Variants in NELL1 observed in about 807,000 individuals in gnomAD.
NELL1 encodes neural EGFL like 1.
A neutral mutation model predicts 107.4 loss-of-function variants in NELL1; 76 were observed. That is an observed-to-expected ratio of 0.71 (90% confidence interval 0.59 to 0.86). The LOEUF (loss-of-function observed/expected upper bound fraction) is 0.86, where lower values mean the gene tolerates loss of function less well. Among genes scored for constraint, NELL1 ranks in the 40% least tolerant of loss-of-function variants. The pLI is 0.00. For missense variants in NELL1, 1,024 were observed against 1,005.5 expected (o/e 1.02, Z -0.25); for synonymous variants, 353 against 341.2 (o/e 1.03, Z -0.38).
intron 15 of NELL1, among the ~76,000 whole-genome samples, chr11:21,476,644 C>T (rs1270959847): frequency 6.6e-6 from 1 of 152,100 alleles, no homozygotes; most frequent in Non-Finnish European, 1.5e-5. Flanking sequence ...TGTGAGTGAT[C>T]ACAGTACCTA....
chr11:20,669,612 C>A lies in NELL1; in HGVS notation c.-112C>A, dbSNP rs1853841705. On this transcript the variant is annotated 5_prime_UTR_variant, in exon 1 of 20. Coordinates refer to ENST00000357134, the MANE Select transcript of NELL1 (RefSeq NM_006157.5). The surrounding 1 kb of genome is among the most constrained non-coding windows in gnomAD (Gnocchi z 4.4). ...CCCGGCGCTGCCGAGCCACCTCCCC[C>A]GCCGCCCGCTAGCAAGTTTGGCGGC... is the stretch of plus-strand genomic sequence containing the variant. 5 of 904,032 alleles carry A rather than the reference C, an allele frequency of 5.5e-6. No individual in the cohort carries two copies. In the South Asian group the frequency reaches 6.0e-5, roughly 11 times the overall value. 56.0% of individuals were successfully genotyped at this position (904,032 alleles called of 1,614,324 possible). A position where few individuals can be genotyped will look rare whatever the true frequency, so the allele number is the denominator to read the frequency against.
At chr11:21,292,199 C>G (rs1012056549) in intron 14 of NELL1, among the ~76,000 whole-genome samples, 1 of 152,172 alleles carries the variant, frequency 6.6e-6, no homozygotes, top group Non-Finnish European at 1.5e-5. Flanking sequence ...CCCAAAATCT[C>G]CTTAACCTAC....
rs928438783 is a variant in NELL1 at position 20,909,492 on chromosome 11, G to A, written c.604-8690G>A. 2.3e-4 allele frequency among the ~76,000 whole-genome samples: 35 copies of A among 152,264 alleles called. 2 individuals are homozygous for A. Among genetic ancestry groups the A allele is most frequent in the South Asian group, 4.1e-4 (2 of 4,822 alleles). On this transcript the variant is annotated intron_variant, in intron 5 of 19. Transcript: ENST00000357134. ...GAAACATAACAAGAACTCCAGGGCC[G>A]GGAAGAAGAATCTTGGTTTCAAGGG...
At chr11:21,570,613 G>A (rs1028102542) in intron 17 of NELL1, 151 bp from the exon 18 acceptor site, 4 of 471,178 alleles carry the variant, frequency 8.5e-6, no homozygotes, top group Non-Finnish European at 1.1e-5. Context: ...AAGAAAGGGT[G>A]TGTTTGTGTG....
intron 17 of NELL1, among the ~76,000 whole-genome samples, chr11:21,561,349 G>C (rs1218066556): frequency 6.6e-6 from 1 of 152,022 alleles, no homozygotes; most frequent in Non-Finnish European, 1.5e-5. Flanking sequence ...ACATTATCAA[G>C]TGCTAGATCA....
At chr11:20,788,482 A>G (rs1564909733) in intron 3 of NELL1, among the ~76,000 whole-genome samples, 5 of 152,270 alleles carry the variant, frequency 3.3e-5, no homozygotes, top group Admixed American at 2.0e-4. Context: ...TCATAAGCTT[A>G]TTGACGATTT....
At chr11:21,278,133 C>T (rs1446308555) in intron 14 of NELL1, among the ~76,000 whole-genome samples, 2 of 152,134 alleles carry the variant, frequency 1.3e-5, no homozygotes, top group African/African-American at 2.4e-5. Context: ...ATAATAGAAG[C>T]GAACTTCCTC....
At chr11:20,975,998 A>G (rs1851621084) in intron 12 of NELL1, among the ~76,000 whole-genome samples, 1 of 135,606 alleles carries the variant, frequency 7.4e-6, no homozygotes, top group South Asian at 2.2e-4. Context: ...ATATATGTGT[A>G]TTATATATAC....
At chr11:21,203,690 G>A (rs1435504440) in intron 13 of NELL1, among the ~76,000 whole-genome samples, 1 of 152,174 alleles carries the variant, frequency 6.6e-6, no homozygotes, top group Non-Finnish European at 1.5e-5. Flanking sequence ...GTTAGATGAT[G>A]TAGTTTCTTC....
chr11:21,132,560 G>C (rs1171340379), intron 13 of NELL1, among the ~76,000 whole-genome samples: 6 of 152,310 alleles, frequency 3.9e-5, no homozygotes, highest in South Asian at 2.1e-4. Flanking sequence ...ACAGGTGCTA[G>C]CTCCGTGTGA....
chr11:21,403,216 G>A (rs992226964), intron 15 of NELL1, among the ~76,000 whole-genome samples: 1 of 151,614 alleles, frequency 6.6e-6, no homozygotes, highest in African/African-American at 2.4e-5. Context: ...ATTGAAGGGG[G>A]TTCTTTTCTG....
chr11:21,079,535 T>C (rs1854216775), intron 12 of NELL1, among the ~76,000 whole-genome samples: 1 of 151,906 alleles, frequency 6.6e-6, no homozygotes, highest in South Asian at 2.1e-4. Flanking sequence ...ACAGTAAAAC[T>C]CTGAAAGAAT....
At chr11:21,391,727 C>T (rs755721756) in intron 15 of NELL1, among the ~76,000 whole-genome samples, 3 of 151,670 alleles carry the variant, frequency 2.0e-5, no homozygotes, top group Non-Finnish European at 4.4e-5. Context: ...TCACTGCAGC[C>T]GGGCTCACGT....
chr11:21,003,232 A>G (rs892264771), intron 12 of NELL1, among the ~76,000 whole-genome samples: 2 of 152,132 alleles, frequency 1.3e-5, no homozygotes, highest in Non-Finnish European at 2.9e-5. Flanking sequence ...GCCTATAAAC[A>G]TATAACTTCT....
chr11:20,943,091 G>A (rs1170991844), intron 10 of NELL1, among the ~76,000 whole-genome samples: 1 of 151,490 alleles, frequency 6.6e-6, no homozygotes, highest in Non-Finnish European at 1.5e-5. Flanking sequence ...AAGAAGTTGG[G>A]GCAGACAGAT....
intron 5 of NELL1, among the ~76,000 whole-genome samples, chr11:20,902,680 T>A (rs1288059762): frequency 6.6e-6 from 1 of 152,080 alleles, no homozygotes; most frequent in Non-Finnish European, 1.5e-5. Flanking sequence ...ACAGGACTTT[T>A]TTTTTTGTTT....
At chr11:20,808,309 C>T (rs535736452) in intron 3 of NELL1, among the ~76,000 whole-genome samples, 6 of 152,084 alleles carry the variant, frequency 3.9e-5, no homozygotes, top group Non-Finnish European at 7.4e-5. Flanking sequence ...ATGTCATCTG[C>T]GAGCTAGGGC....
At chr11:20,802,063 G>A (rs1857290626) in intron 3 of NELL1, among the ~76,000 whole-genome samples, 1 of 151,936 alleles carries the variant, frequency 6.6e-6, no homozygotes, top group African/African-American at 2.4e-5. Context: ...GGCTATTCTG[G>A]GTCTTTTGTA....
At chr11:20,689,795 A>G (rs1298442672) in intron 2 of NELL1, among the ~76,000 whole-genome samples, 4 of 151,780 alleles carry the variant, frequency 2.6e-5, no homozygotes, top group Non-Finnish European at 5.9e-5. Context: ...CTTTGGGTAT[A>G]TACTCAGTAA....
Sources: gnomAD v4.1 joint callset for allele counts (sites outside exome capture counted in the v4.1 genomes callset) on GRCh38, gnomAD v4.1.1 for gene constraint, Gnocchi (gnomAD v3.1) non-coding constraint, MANE v1.5 for transcripts, NCBI Gene and HGNC (gene_info 2026-07-23, HGNC 2026-07-21) for gene names.